The following NHS variants were observed in gnomAD, a reference collection of about 807,000 sequenced individuals.
The protein encoded by NHS is actin remodeling regulator NHS.
NHS carries 5 observed loss-of-function variants against 72.5 expected under a neutral mutation model. That is an observed-to-expected ratio of 0.07 (90% CI 0.04 to 0.14). The LOEUF is 0.14. Ranked by LOEUF, NHS falls within the 10% of genes least tolerant of loss-of-function variation. The pLI is 1.00. For synonymous variants in NHS, 464 were observed against 547.7 expected (o/e 0.85, Z 2.13); for missense variants, 1,072 against 1,355.7 (o/e 0.79, Z 3.29).
At position 17,727,533 on chromosome X, in the gene NHS, C is replaced by G. The variant is rs1183059063; in HGVS notation, c.3427C>G (p.Leu1143Val). Reference protein sequence around the residue: ...ITPTILKSVNLRSINKSEEVK... With the variant: ...ITPTILKSVNVRSINKSEEVK... ...ACCAACGATCCTGAAATCTGTTAAC[C>G]TTAGGTCCATCAACAAGTCTGAAGA... is the stretch of plus-strand genomic sequence containing the variant. The change falls in exon 7 of 9, where the codon CTT (leucine) becomes GTT (valine). Residue 1143 changes from leucine (L) to valine (V), a missense_variant. Leu to Val is a conservative substitution (Grantham distance 32). Transcript: ENST00000676302. 2 of 1,211,804 alleles carry G rather than the reference C, an allele frequency of 1.7e-6. No individual in the cohort carries two copies. The highest frequency in any genetic ancestry group is 2.2e-6 in the Non-Finnish European group (2 of 895,502).
chrX:17,615,181 A>ACG (rs1569294113), intron 1 of NHS, among the ~76,000 whole-genome samples: 6 of 43,366 alleles, frequency 1.4e-4, no homozygotes, highest in Admixed American at 4.1e-4. Context: ...ACGTATATAT[A>ACG]TAGTATATAT....
chrX:17,375,868 C>G lies in NHS; in HGVS notation c.111C>G (p.Pro37=). Residue 37 remains proline, a synonymous_variant, in exon 1 of 9, where the codon CCC becomes CCG. Transcript: ENST00000676302. Reference sequence around the variant, plus strand: ...GAGGCAGCGCTGAGCCGCCGCCGCCCTTGCAGCCGCCGGGCCGGAGGGACC... The same window carrying G: ...GAGGCAGCGCTGAGCCGCCGCCGCCGTTGCAGCCGCCGGGCCGGAGGGACC... ...ASGGSAEPPP[P]LQPPGRRDLD... The G allele has an allele frequency of 4.5e-6, 5 of 1,112,746 alleles. No homozygotes were observed. Among genetic ancestry groups the G allele is most frequent in the Non-Finnish European group, 4.7e-6 (4 of 855,657 alleles). 91.7% of individuals were successfully genotyped at this position (1,112,746 alleles called of 1,213,427 possible).
chrX:17,378,644 G>C, intron 1 of NHS, among the ~76,000 whole-genome samples: 1 of 112,281 alleles, frequency 8.9e-6, no homozygotes, highest in Non-Finnish European at 1.9e-5. Context: ...AGACAGGAAA[G>C]GGAGGAAAGA....
At chrX:17,425,205 G>A (rs899053035) in intron 1 of NHS, among the ~76,000 whole-genome samples, 1 of 111,764 alleles carries the variant, frequency 8.9e-6, no homozygotes, top group Admixed American at 9.5e-5. Flanking sequence ...AACCTTCTGA[G>A]GAATGGCAGA....
chrX:17,430,829 T>C (rs998231035), intron 1 of NHS, among the ~76,000 whole-genome samples: 47 of 112,739 alleles, frequency 4.2e-4, no homozygotes, highest in African/African-American at 1.4e-3. Flanking sequence ...ATGGATTAAA[T>C]ACATTCCATT....
At position 17,656,884 on chromosome X, in the gene NHS, G is replaced by A. The variant is rs180692618; in HGVS notation, c.566-30858G>A. Among the ~76,000 whole-genome samples the A allele has an allele frequency of 2.8e-4, 31 of 112,305 alleles. No individual in the cohort carries two copies. In the East Asian group the frequency reaches 5.6e-3, roughly 20 times the overall value. On this transcript the variant is annotated intron_variant, in intron 1 of 8. Transcript: ENST00000676302. ...GGCTTCTAAGGGCTGGGGAGAAGTCGAGGATCCCGCTTGGTGCCCTCTCCT... is the reference window on the plus strand; with the variant it reads ...GGCTTCTAAGGGCTGGGGAGAAGTCAAGGATCCCGCTTGGTGCCCTCTCCT...
intron 1 of NHS, among the ~76,000 whole-genome samples, chrX:17,662,395 G>T (rs1476906375): frequency 8.9e-6 from 1 of 111,932 alleles, no homozygotes; most frequent in Non-Finnish European, 1.9e-5. Context: ...TTTAGGGGAT[G>T]GATGATTCAT....
intron 1 of NHS, among the ~76,000 whole-genome samples, chrX:17,441,949 G>T (rs755117104): frequency 7.1e-5 from 8 of 111,992 alleles, no homozygotes; most frequent in Non-Finnish European, 1.5e-4. Flanking sequence ...TCACCTGGAG[G>T]ACTTGTTTAA....
chrX:17,718,166 T>A (rs1206865169), intron 3 of NHS, among the ~76,000 whole-genome samples: 4 of 110,309 alleles, frequency 3.6e-5, no homozygotes, highest in Admixed American at 2.0e-4. Flanking sequence ...TTTCTCTATC[T>A]TACTACAGAT....
intron 1 of NHS, among the ~76,000 whole-genome samples, chrX:17,551,113 C>G (rs2065333667): frequency 8.9e-6 from 1 of 111,843 alleles, no homozygotes; most frequent in Non-Finnish European, 1.9e-5. Context: ...TCTGAACCCC[C>G]CTTCCTCACT....
chrX:17,457,243 A>C (rs2064829126), intron 1 of NHS, among the ~76,000 whole-genome samples: 1 of 111,686 alleles, frequency 9.0e-6, no homozygotes, highest in Non-Finnish European at 1.9e-5. Flanking sequence ...TGTTTCTATA[A>C]AGGATAACCT....
chrX:17,711,887 ATTGT>A (rs2066330897), intron 3 of NHS, among the ~76,000 whole-genome samples: 1 of 111,299 alleles, frequency 9.0e-6, no homozygotes, highest in Admixed American at 9.6e-5. Context: ...GTTGTGGGGT[ATTGT>A]TTGTTTGTTG....
rs924426347 is a variant in NHS, at chrX:17,727,368, C to A, written c.3262C>A (p.His1088Asn). Residue 1088 changes from histidine to asparagine, a missense_variant, in exon 7 of 9, where the codon CAT becomes AAT. Transcript: ENST00000676302. ...DLELPIIPPT[H>N]LDLSALHNVL... is the part of the protein sequence containing the mutation. ...TGAACTTCCAATTATACCTCCTACCCATCTTGATCTAAGTGCTCTTCATAA... is the reference window on the plus strand; with the variant it reads ...TGAACTTCCAATTATACCTCCTACCAATCTTGATCTAAGTGCTCTTCATAA... The A allele has an allele frequency of 1.7e-6, 2 of 1,207,816 alleles. No individual in the cohort carries two copies. The highest frequency in any genetic ancestry group is 3.5e-5 in the African/African-American group (2 of 57,109).
Position 17,725,506 on chromosome X carries a change from A to C in NHS, c.1400A>C (p.Gln467Pro). Residue 467 changes from glutamine to proline, a missense_variant, in exon 7 of 9, where the codon CAA becomes CCA. Physicochemically the swap from Gln to Pro is moderately conservative, Grantham distance 76. Coordinates refer to ENST00000676302, the MANE Select transcript of NHS (RefSeq NM_001291867.2). Reference sequence around the variant, plus strand: ...CCATCCAGAAGGAGAATCAGAGCTCAAAGGGGTCAAAGCATTGCAGCTTCC... The same window carrying C: ...CCATCCAGAAGGAGAATCAGAGCTCCAAGGGGTCAAAGCATTGCAGCTTCC... ...AAPSRRRIRA[Q>P]RGQSIAASLS... 8.3e-7 allele frequency: 1 copy of C among 1,211,560 alleles called. No homozygotes were observed. Among genetic ancestry groups the C allele is most frequent in the East Asian group, 3.0e-5 (1 of 33,824 alleles).
intron 1 of NHS, among the ~76,000 whole-genome samples, chrX:17,587,519 G>A (rs749462650): frequency 9.8e-5 from 11 of 112,163 alleles, no homozygotes; most frequent in Non-Finnish European, 2.1e-4. Flanking sequence ...AAACTTACTT[G>A]GGCCAGCCTC....
At chrX:17,523,191 G>C (rs1459557377) in intron 1 of NHS, among the ~76,000 whole-genome samples, 1 of 111,900 alleles carries the variant, frequency 8.9e-6, no homozygotes, top group African/African-American at 3.3e-5. Flanking sequence ...GAAGTACAGA[G>C]TGCCTGATGG....
intron 1 of NHS, among the ~76,000 whole-genome samples, chrX:17,408,570 A>G (rs1034044872): frequency 6.3e-5 from 7 of 111,569 alleles, no homozygotes; most frequent in African/African-American, 2.3e-4. Context: ...CCCACAAAAC[A>G]ACATCCGTCT....
chrX:17,708,652 A>G (rs1400827458), intron 3 of NHS, among the ~76,000 whole-genome samples: 1 of 111,358 alleles, frequency 9.0e-6, no homozygotes, highest in Non-Finnish European at 1.9e-5. Flanking sequence ...TGGGAAACAT[A>G]GTATTTGAGA....
At chrX:17,583,534 C>T (rs908198976) in intron 1 of NHS, among the ~76,000 whole-genome samples, 7 of 112,345 alleles carry the variant, frequency 6.2e-5, no homozygotes, top group Non-Finnish European at 1.3e-4. Flanking sequence ...GCCCACCAGA[C>T]GTGGCCACCC....
Sources: allele counts gnomAD v4.1 joint callset (sites outside exome capture counted in the v4.1 genomes callset), GRCh38; gene constraint gnomAD v4.1.1; transcripts MANE v1.5; gene names NCBI Gene and HGNC (gene_info 2026-07-23, HGNC 2026-07-21).